Variants in PTPRM observed in about 807,000 individuals in gnomAD.
The protein encoded by PTPRM is receptor-type tyrosine-protein phosphatase mu.
A neutral mutation model predicts 186.7 loss-of-function variants in PTPRM; 47 were observed. The ratio of observed to expected loss-of-function variants is 0.25; its 90% CI spans 0.20 to 0.32. The LOEUF (loss-of-function observed/expected upper bound fraction) is 0.32, where lower values mean the gene tolerates loss of function less well. Ranked by LOEUF, PTPRM falls within the 10% of genes least tolerant of loss-of-function variation. The probability of loss-of-function intolerance (pLI) is 1.00; values close to 1 mark genes in which losing one functional copy is unlikely to be tolerated. For synonymous variants in PTPRM, 668 were observed against 674.9 expected (o/e 0.99, Z 0.16); for missense variants, 1,494 against 1,865.0 (o/e 0.80, Z 3.66).
intron 2 of PTPRM, among the ~76,000 whole-genome samples, chr18:7,860,986 A>G (rs1180150957): frequency 6.6e-6 from 1 of 152,158 alleles, no homozygotes; most frequent in Non-Finnish European, 1.5e-5. Flanking sequence ...TGCATTCTTA[A>G]AAGTTCTTCC....
At chr18:7,667,093 G>A (rs1223827069) in intron 1 of PTPRM, among the ~76,000 whole-genome samples, 1 of 152,180 alleles carries the variant, frequency 6.6e-6, no homozygotes, top group Non-Finnish European at 1.5e-5. Context: ...AACAGTTTCA[G>A]GTGTTAGGAT....
At chr18:7,796,209 G>C (rs1378680739) in intron 2 of PTPRM, among the ~76,000 whole-genome samples, 1 of 151,844 alleles carries the variant, frequency 6.6e-6, no homozygotes, top group Non-Finnish European at 1.5e-5. Flanking sequence ...CACATTAACG[G>C]ATGTTCACTG....
Position 7,658,648 on chromosome 18 carries a change from C to T in PTPRM, c.73+90757C>T, listed in dbSNP as rs113940949. Among the ~76,000 whole-genome samples, 330 of 152,084 alleles carry T rather than the reference C, an allele frequency of 2.2e-3. 2 individuals are homozygous for T. Among genetic ancestry groups the T allele is most frequent in the African/African-American group, 6.0e-3 (248 of 41,474 alleles). ...CTAACATAACTTACAGAAAAAGTGC[C>T]GCACACAGTGTCTTAACTCAGGTAG... On this transcript the variant is annotated intron_variant, in intron 1 of 32. Transcript: ENST00000580170.
intron 1 of PTPRM, among the ~76,000 whole-genome samples, chr18:7,764,750 A>G (rs2063055576): frequency 6.6e-6 from 1 of 152,224 alleles, no homozygotes; most frequent in African/African-American, 2.4e-5. Context: ...ACTCAGGACA[A>G]CAGTGATTTC....
chr18:8,235,476 T>TTTTTTTTTTG (rs1481569126), intron 14 of PTPRM, among the ~76,000 whole-genome samples: 7 of 136,770 alleles, frequency 5.1e-5, no homozygotes, highest in African/African-American at 1.3e-4. Context: ...TTTTTTTTTT[T>TTTTTTTTTTG]TTTAGCCTGG....
chr18:8,350,767 C>T (rs1182727516), intron 23 of PTPRM, among the ~76,000 whole-genome samples: 3 of 152,182 alleles, frequency 2.0e-5, no homozygotes, highest in Non-Finnish European at 4.4e-5. Context: ...TATTTCCCAG[C>T]ATTCTCTTAC....
At position 8,208,442 on chromosome 18, in the gene PTPRM, G is replaced by A. The variant is rs192392031; in HGVS notation, c.2301-35616G>A. 1.2e-4 allele frequency among the ~76,000 whole-genome samples: 18 copies of A among 152,236 alleles called. No homozygotes were observed. The East Asian group carries it at 3.5e-3, about 29-fold the overall frequency. On this transcript the variant is annotated intron_variant, in intron 14 of 32. Transcript: ENST00000580170. ...AAAATAAGTAGCTTATTTGTACTAT[G>A]GAGAAAAATAAAGCTGGGAAGGTAG... is the stretch of plus-strand genomic sequence containing the variant.
chr18:7,844,831 G>T (rs1171796159), intron 2 of PTPRM, among the ~76,000 whole-genome samples: 1 of 152,164 alleles, frequency 6.6e-6, no homozygotes, highest in Non-Finnish European at 1.5e-5. Flanking sequence ...GTCTGAACTG[G>T]CAGTGTTTCT....
chr18:8,230,653 G>T (rs74813455), intron 14 of PTPRM, among the ~76,000 whole-genome samples: 1,744 of 152,276 alleles, frequency 0.011, 17 homozygotes, highest in Non-Finnish European at 0.02. Context: ...AAAGTGCCTG[G>T]CATGGCTAAT....
At chr18:8,190,576 G>T (rs951959472) in intron 14 of PTPRM, among the ~76,000 whole-genome samples, 4 of 152,124 alleles carry the variant, frequency 2.6e-5, no homozygotes, top group Non-Finnish European at 4.4e-5. Flanking sequence ...AAGAATCAGT[G>T]ACTAAATTAA....
chr18:7,771,770 A>T (rs955268433), intron 1 of PTPRM, among the ~76,000 whole-genome samples: 5 of 152,244 alleles, frequency 3.3e-5, no homozygotes, highest in African/African-American at 1.2e-4. Context: ...AGGCAGATGT[A>T]GAAAGCATGC....
intron 14 of PTPRM, among the ~76,000 whole-genome samples, chr18:8,190,497 C>T (rs896686420): frequency 2.1e-4 from 32 of 152,310 alleles, no homozygotes; most frequent in African/African-American, 7.5e-4. Flanking sequence ...TAGCTGCTCA[C>T]GTCACTTTTT....
At chr18:7,802,241 C>T (rs544044859) in intron 2 of PTPRM, among the ~76,000 whole-genome samples, 6 of 152,240 alleles carry the variant, frequency 3.9e-5, no homozygotes, top group African/African-American at 1.2e-4. Flanking sequence ...CTCAGGGTCC[C>T]GCTGCTGCCT....
intron 2 of PTPRM, among the ~76,000 whole-genome samples, chr18:7,825,049 C>T (rs2045411082): frequency 6.6e-6 from 1 of 152,188 alleles, no homozygotes; most frequent in Non-Finnish European, 1.5e-5. Flanking sequence ...TCAAGGCTTG[C>T]TGCGTTTCAT....
intron 4 of PTPRM, among the ~76,000 whole-genome samples, chr18:7,917,028 T>A (rs1288095034): frequency 1.3e-5 from 2 of 152,204 alleles, no homozygotes; most frequent in African/African-American, 4.8e-5. Flanking sequence ...TGAGTGAGAA[T>A]GTGGTATTTG....
At chr18:8,131,981 G>A (rs1034440955) in intron 13 of PTPRM, among the ~76,000 whole-genome samples, 1 of 152,182 alleles carries the variant, frequency 6.6e-6, no homozygotes, top group Non-Finnish European at 1.5e-5. Flanking sequence ...CTTTAGCAGT[G>A]TAACTGATGT....
chr18:8,389,746 C>T (rs2095799541), intron 31 of PTPRM, among the ~76,000 whole-genome samples: 1 of 152,094 alleles, frequency 6.6e-6, no homozygotes, highest in African/African-American at 2.4e-5. Flanking sequence ...ATTGGCATCC[C>T]CCAGTACTGG....
At chr18:7,998,200 A>T (rs1568158419) in intron 7 of PTPRM, among the ~76,000 whole-genome samples, 1 of 152,120 alleles carries the variant, frequency 6.6e-6, no homozygotes, top group Non-Finnish European at 1.5e-5. Flanking sequence ...TTATTCTGCC[A>T]TTAAAAAATG....
intron 14 of PTPRM, among the ~76,000 whole-genome samples, chr18:8,184,545 A>G (rs2093618254): frequency 6.6e-6 from 1 of 152,158 alleles, no homozygotes; most frequent in Admixed American, 6.5e-5. Context: ...CCCATATCAT[A>G]GGCTGAAACA....
Sources: allele counts gnomAD v4.1 joint callset (sites outside exome capture counted in the v4.1 genomes callset), GRCh38; gene constraint gnomAD v4.1.1; transcripts MANE v1.5; gene names NCBI Gene and HGNC (gene_info 2026-07-23, HGNC 2026-07-21).